The following PCDHA9 variants were observed in gnomAD, a reference collection of about 807,000 sequenced individuals.
The protein encoded by PCDHA9 is protocadherin alpha 9, also known as protocadherin alpha-9.
Under a neutral mutation model 62.0 loss-of-function variants are expected in PCDHA9, and 62 were observed. That is an observed-to-expected ratio of 1.00 (90% CI 0.81 to 1.23). PCDHA9 has a LOEUF of 1.23. PCDHA9 is among the 50% of genes most tolerant of loss of function. PCDHA9 has a pLI of 0.00. For synonymous variants in PCDHA9, 557 were observed against 567.6 expected (o/e 0.98, Z 0.27); for missense variants, 1,205 against 1,249.8 (o/e 0.96, Z 0.54).
intron 1 of PCDHA9, among the ~76,000 whole-genome samples, chr5:140,916,255 C>G (rs1161014900): frequency 6.6e-6 from 1 of 152,144 alleles, no homozygotes. Context: ...ACTTGGGGAC[C>G]CCAAGAGCAT....
chr5:140,990,232 C>T (rs983376308), intron 3 of PCDHA9, among the ~76,000 whole-genome samples: 4 of 152,054 alleles, frequency 2.6e-5, no homozygotes, highest in Non-Finnish European at 4.4e-5. Flanking sequence ...TTGTAACTAG[C>T]GTTGTATTCC....
At chr5:140,960,177 G>C (rs2095530246) in intron 1 of PCDHA9, among the ~76,000 whole-genome samples, 1 of 152,052 alleles carries the variant, frequency 6.6e-6, no homozygotes, top group Non-Finnish European at 1.5e-5. Flanking sequence ...CTTAAGTTAG[G>C]GGTTGCATGT....
At chr5:140,882,150 C>A in intron 1 of PCDHA9, 1 of 1,501,768 alleles carries the variant, frequency 6.7e-7, no homozygotes, top group Non-Finnish European at 8.9e-7. Context: ...TAGCAGAAAG[C>A]GGAATACCTC....
In PCDHA9 at chr5:140,876,415, G is replaced by T; in HGVS notation, c.2394+25526G>T. On this transcript the variant is annotated intron_variant, in intron 1 of 3. Transcript: ENST00000532602. Reference sequence around the variant, plus strand: ...TGAACTGGATTTTGAAGAGAATAATGCCTATGAAATTCAGGTTAACGCCAT... The same window carrying T: ...TGAACTGGATTTTGAAGAGAATAATTCCTATGAAATTCAGGTTAACGCCAT... The T allele has an allele frequency of 2.5e-6, 4 of 1,613,960 alleles. 1 individual carries two copies. The highest frequency in any genetic ancestry group is 3.4e-6 in the Non-Finnish European group (4 of 1,179,898).
At position 140,878,750 on chromosome 5, in the gene PCDHA9, T is replaced by A. The variant is rs143616284; in HGVS notation, c.2394+27861T>A. ...AGCCTTATATCTACTTTCTTACATATCTTTAGTTTAGGATCTGGAATATAG... is the reference window on the plus strand; with the variant it reads ...AGCCTTATATCTACTTTCTTACATAACTTTAGTTTAGGATCTGGAATATAG... On this transcript the variant is annotated intron_variant, in intron 1 of 3. Coordinates refer to ENST00000532602, the MANE Select transcript of PCDHA9 (RefSeq NM_031857.2). Among the ~76,000 whole-genome samples, 863 of 152,338 alleles carry A rather than the reference T, an allele frequency of 5.7e-3. 5 individuals are homozygous for A. Among genetic ancestry groups the A allele is most frequent in the Middle Eastern group, 0.014 (4 of 294 alleles).
intron 1 of PCDHA9, chr5:140,968,773 A>G (rs528972800): frequency 4.3e-6 from 7 of 1,614,206 alleles, no homozygotes; most frequent in Non-Finnish European, 5.1e-6. Flanking sequence ...GAGAGCCATC[A>G]CTATCAGCCT....
chr5:140,861,413 G>T (rs189790760), intron 1 of PCDHA9: 3 of 474,952 alleles, frequency 6.3e-6, no homozygotes, highest in Non-Finnish European at 1.3e-5. Flanking sequence ...AGCTGATACC[G>T]CGCCTGTTTC....
chr5:141,010,124 G>A lies in PCDHA9; in HGVS notation c.*187G>A. ...GGTTTTGTCGTAAAAGCTTTACTAAGTCTGGTGTTAACTCTTTCTCTCCAC... is the reference window on the plus strand; with the variant it reads ...GGTTTTGTCGTAAAAGCTTTACTAAATCTGGTGTTAACTCTTTCTCTCCAC... On this transcript the variant is annotated 3_prime_UTR_variant, in exon 4 of 4. Coordinates refer to ENST00000532602, the MANE Select transcript of PCDHA9 (RefSeq NM_031857.2). The A allele has an allele frequency of 1.2e-6, 2 of 1,605,172 alleles. No homozygotes were observed. The highest frequency in any genetic ancestry group is 1.7e-6 in the Non-Finnish European group (2 of 1,175,146).
At chr5:140,876,861 C>A in intron 1 of PCDHA9, 2 of 1,614,088 alleles carry the variant, frequency 1.2e-6, no homozygotes, top group Non-Finnish European at 1.7e-6. Flanking sequence ...ACACAGTGTT[C>A]GTGAAGGAGA....
At chr5:140,915,469 A>G (rs2077137068) in intron 1 of PCDHA9, among the ~76,000 whole-genome samples, 1 of 152,034 alleles carries the variant, frequency 6.6e-6, no homozygotes, top group Admixed American at 6.6e-5. Context: ...TTTTTATTTG[A>G]AGGAGCTTGG....
chr5:140,957,038 C>T (rs534661886), intron 1 of PCDHA9, among the ~76,000 whole-genome samples: 1 of 152,048 alleles, frequency 6.6e-6, no homozygotes, highest in South Asian at 2.1e-4. Context: ...TTATGGGAGT[C>T]ATATAAAATA....
At position 140,927,719 on chromosome 5, in the gene PCDHA9, C is replaced by A. The variant is rs144571902; in HGVS notation, c.2395-51230C>A. Reference sequence around the variant, plus strand: ...GTCCAGTACTCCCTAAGCAACAGCACGCAAGCAGAGCTGCGACACCGCTTT... The same window carrying A: ...GTCCAGTACTCCCTAAGCAACAGCAAGCAAGCAGAGCTGCGACACCGCTTT... On this transcript the variant is annotated intron_variant, in intron 1 of 3. Transcript: ENST00000532602. The A allele has an allele frequency of 2.2e-4, 352 of 1,614,178 alleles. No individual in the cohort carries two copies. In the Middle Eastern group the frequency reaches 2.3e-3, roughly 11 times the overall value.
At chr5:140,883,593 C>T (rs2059688395) in intron 1 of PCDHA9, 1 of 1,613,954 alleles carries the variant, frequency 6.2e-7, no homozygotes, top group Non-Finnish European at 8.5e-7. Context: ...GCCAGCGTGT[C>T]GGTGGGGGTG....
intron 1 of PCDHA9, chr5:140,876,345 T>C (rs2056299947): frequency 6.2e-7 from 1 of 1,614,024 alleles, no homozygotes; most frequent in Non-Finnish European, 8.5e-7. Context: ...GTGAGAAATG[T>C]ATGTTTTCAA....
At chr5:140,863,357 G>GCCAAGCACCGCAGC in intron 1 of PCDHA9, 1 of 1,259,532 alleles carries the variant, frequency 7.9e-7, no homozygotes, top group Non-Finnish European at 1.1e-6. Flanking sequence ...ACGACGCTGC[G>GCCAAGCACCGCAGC]GTGCTTGGCG....
chr5:140,941,961 T>A (rs150142414), intron 1 of PCDHA9, among the ~76,000 whole-genome samples: 2 of 152,214 alleles, frequency 1.3e-5, no homozygotes, highest in African/African-American at 4.8e-5. Flanking sequence ...AACAATAGTA[T>A]CTTTACTTTC....
chr5:140,882,676 C>T (rs1458440894), intron 1 of PCDHA9: 18 of 1,614,060 alleles, frequency 1.1e-5, no homozygotes, highest in Admixed American at 3.3e-5. Context: ...TCCCTGAAAG[C>T]AAGAAACGAA....
chr5:140,971,958 CT>C (rs1176007834), intron 1 of PCDHA9, among the ~76,000 whole-genome samples: 2 of 152,172 alleles, frequency 1.3e-5, no homozygotes, highest in African/African-American at 2.4e-5. Context: ...ACTCCAAAAA[CT>C]TTTTTTCAAT....
At chr5:140,927,889 G>T (rs1554205185) in intron 1 of PCDHA9, 1 of 1,614,226 alleles carries the variant, frequency 6.2e-7, no homozygotes, top group Non-Finnish European at 8.5e-7. Context: ...GGTGACTGAC[G>T]TGAACGATCA....
Sources: gnomAD v4.1 joint callset for allele counts (sites outside exome capture counted in the v4.1 genomes callset) on GRCh38, gnomAD v4.1.1 for gene constraint, MANE v1.5 for transcripts, NCBI Gene and HGNC (gene_info 2026-07-23, HGNC 2026-07-21) for gene names.